CCDC39: variants seen among roughly 807,000 people sequenced by gnomAD.
The protein encoded by CCDC39 is coiled-coil domain 39 molecular ruler complex subunit, also known as coiled-coil domain-containing protein 39.
A neutral mutation model predicts 121.0 loss-of-function variants in CCDC39; 113 were observed. That is an observed-to-expected ratio of 0.93 (90% CI 0.80 to 1.09). The LOEUF is 1.09. Among genes scored for constraint, CCDC39 ranks in the 50% least tolerant of loss-of-function variants. The probability of loss-of-function intolerance (pLI) is 0.00; values close to 1 mark genes in which losing one functional copy is unlikely to be tolerated. For synonymous variants in CCDC39, 349 were observed against 352.2 expected, an observed-to-expected ratio of 0.99 and a Z score of 0.10; for missense variants, 1,063 against 1,074.7, an observed-to-expected ratio of 0.99 and a Z score of 0.15.
rs562565496 is a variant in CCDC39 at position 180,626,496 on chromosome 3, A to G, written c.1998+4973T>C. Among the ~76,000 whole-genome samples, 4 of 152,262 alleles carry G rather than the reference A, an allele frequency of 2.6e-5. No individual in the cohort carries two copies. The East Asian group carries it at 5.8e-4, about 22-fold the overall frequency. Reference sequence around the variant, plus strand: ...TTTCTCAGGTGGAACAGCATGGGTAAGAAGCTGTAGGAAGTCCCACAGCAG... The same window carrying G: ...TTTCTCAGGTGGAACAGCATGGGTAGGAAGCTGTAGGAAGTCCCACAGCAG... On this transcript the variant is annotated intron_variant, in intron 14 of 19. Coordinates refer to ENST00000476379, the MANE Select transcript of CCDC39 (RefSeq NM_181426.2).
At chr3:180,677,306 A>G (rs1712264157) in intron 1 of CCDC39, among the ~76,000 whole-genome samples, 1 of 148,264 alleles carries the variant, frequency 6.7e-6, no homozygotes, top group Non-Finnish European at 1.5e-5. Flanking sequence ...AAAGTTCAAG[A>G]AAGATAAACT....
At chr3:180,647,578 G>A (rs557524461) in intron 10 of CCDC39, among the ~76,000 whole-genome samples, 5 of 151,894 alleles carry the variant, frequency 3.3e-5, no homozygotes, top group Admixed American at 6.6e-5. Context: ...ATTATCTAAG[G>A]GATACAAAAC....
At chr3:180,635,478 A>G (rs1717803310) in intron 13 of CCDC39, among the ~76,000 whole-genome samples, 1 of 152,206 alleles carries the variant, frequency 6.6e-6, no homozygotes, top group Admixed American at 6.5e-5. Context: ...ATAAAAAACG[A>G]GTTGCTTCCA....
At chr3:180,644,043 C>T (rs969631070) in intron 12 of CCDC39, 77 bp downstream of exon 12, 25 of 1,048,360 alleles carry the variant, frequency 2.4e-5, no homozygotes, top group Non-Finnish European at 3.4e-5. Flanking sequence ...TCATAATTTG[C>T]TATATTTTTT....
chr3:180,628,299 C>T (rs1014892487), intron 14 of CCDC39, among the ~76,000 whole-genome samples: 1 of 152,174 alleles, frequency 6.6e-6, no homozygotes, highest in Admixed American at 6.5e-5. Flanking sequence ...CAAGCTCCGC[C>T]TCCTGGGTTC....
intron 1 of CCDC39, among the ~76,000 whole-genome samples, chr3:180,674,847 T>C (rs974678896): frequency 6.6e-6 from 1 of 152,202 alleles, no homozygotes; most frequent in Non-Finnish European, 1.5e-5. Context: ...TCATCGTGGA[T>C]AAGCTTTTCG....
At chr3:180,666,192 G>C (rs1046458620) in intron 1 of CCDC39, among the ~76,000 whole-genome samples, 2 of 151,910 alleles carry the variant, frequency 1.3e-5, no homozygotes, top group African/African-American at 4.8e-5. Flanking sequence ...ACTACTCTAG[G>C]TACCTCATAT....
At chr3:180,665,660 T>A (rs1214359635) in intron 1 of CCDC39, among the ~76,000 whole-genome samples, 1 of 151,940 alleles carries the variant, frequency 6.6e-6, no homozygotes, top group African/African-American at 2.4e-5. Flanking sequence ...TAAGGCTATA[T>A]GTTTTCTTTA....
chr3:180,651,529 G>C lies in CCDC39; in HGVS notation c.1039C>G (p.Gln347Glu), dbSNP rs762356489. The stretch of plus-strand genomic sequence containing the variant: ...ATCTCATTATGATTTTTAGTTTTTT[G>C]TAACCTGAAGAGGGTTTATCACAAA... ...KDIHEETARL[Q>E]KTKNHNEIIQ... Residue 347 changes from glutamine to glutamate, a missense_variant, in exon 9 of 20, where the codon CAA (glutamine) becomes GAA (glutamate). Coordinates refer to ENST00000476379, the MANE Select transcript of CCDC39 (RefSeq NM_181426.2). 1 of 1,522,378 alleles carries C rather than the reference G, an allele frequency of 6.6e-7. No individual in the cohort carries two copies. Among genetic ancestry groups the C allele is most frequent in the East Asian group, 2.5e-5 (1 of 40,626 alleles). The allele number at this position is 1,522,378 out of a possible 1,614,324, so 94.3% of individuals were successfully genotyped here. A position where few individuals can be genotyped will look rare whatever the true frequency, so the allele number is the denominator to read the frequency against.
intron 6 of CCDC39, among the ~76,000 whole-genome samples, chr3:180,655,365 A>G (rs934554756): frequency 1.3e-5 from 2 of 152,096 alleles, no homozygotes; most frequent in East Asian, 3.9e-4. Flanking sequence ...ATTGGTTTCA[A>G]TAGGAATGTC....
At chr3:180,630,823 A>G (rs1157634264) in intron 14 of CCDC39, among the ~76,000 whole-genome samples, 1 of 152,136 alleles carries the variant, frequency 6.6e-6, no homozygotes, top group African/African-American at 2.4e-5. Context: ...TCCCTATAAT[A>G]TCATATTATA....
chr3:180,635,333 C>T (rs937657463), intron 13 of CCDC39, among the ~76,000 whole-genome samples: 2 of 152,026 alleles, frequency 1.3e-5, no homozygotes, highest in Non-Finnish European at 2.9e-5. Context: ...ATCTCATGTC[C>T]TCACATTTCA....
chr3:180,621,404 T>C (rs1373304267), intron 14 of CCDC39, among the ~76,000 whole-genome samples: 1 of 152,146 alleles, frequency 6.6e-6, no homozygotes, highest in Non-Finnish European at 1.5e-5. Context: ...TTCATTTTTC[T>C]CCATATCCAC....
At chr3:180,659,429 C>G in intron 6 of CCDC39, 23 bp downstream of exon 6, 1 of 1,612,016 alleles carries the variant, frequency 6.2e-7, no homozygotes, top group Non-Finnish European at 8.5e-7. Context: ...CTGAACATTA[C>G]AAGGACCAAA....
At chr3:180,636,610 G>C (rs1196305453) in intron 13 of CCDC39, among the ~76,000 whole-genome samples, 1 of 150,420 alleles carries the variant, frequency 6.6e-6, no homozygotes, top group Non-Finnish European at 1.5e-5. Context: ...AACCAAAAAA[G>C]AGTCTGAATA....
At chr3:180,635,245 G>A (rs1452743718) in intron 13 of CCDC39, among the ~76,000 whole-genome samples, 2 of 152,058 alleles carry the variant, frequency 1.3e-5, no homozygotes, top group Non-Finnish European at 2.9e-5. Context: ...TCCCTCCCTC[G>A]ACATGAGATT....
intron 4 of CCDC39, among the ~76,000 whole-genome samples, chr3:180,660,251 T>C (rs1711709070): frequency 2.6e-5 from 4 of 152,136 alleles, no homozygotes; most frequent in African/African-American, 9.6e-5. Flanking sequence ...AAAATAGTTC[T>C]AGTGGAAAAC....
intron 13 of CCDC39, 35 bp from the exon 14 acceptor site, chr3:180,631,627 CAT>C (rs1717700443): frequency 6.4e-7 from 1 of 1,560,008 alleles, no homozygotes; most frequent in Non-Finnish European, 8.6e-7. Context: ...AAATGAATAA[CAT>C]ACTTTACAAT....
intron 17 of CCDC39, 40 bp downstream of exon 17, chr3:180,616,786 A>G (rs756922621): frequency 3.1e-6 from 5 of 1,595,494 alleles, no homozygotes; most frequent in Non-Finnish European, 3.4e-6. Flanking sequence ...GACTTCAAAA[A>G]TGTAAATATG....
Sources: allele counts gnomAD v4.1 joint callset (sites outside exome capture counted in the v4.1 genomes callset), GRCh38; gene constraint gnomAD v4.1.1; transcripts MANE v1.5; gene names NCBI Gene and HGNC (gene_info 2026-07-23, HGNC 2026-07-21).